LHFPL3: variants seen among roughly 807,000 people sequenced by gnomAD.
The protein encoded by LHFPL3 is LHFPL tetraspan subfamily member 3, also known as LHFPL tetraspan subfamily member 3 protein.
Under a neutral mutation model 19.3 loss-of-function variants are expected in LHFPL3, and 5 were observed. That is an observed-to-expected ratio of 0.26 (90% CI 0.14 to 0.54). The LOEUF (loss-of-function observed/expected upper bound fraction) is 0.54. Among genes scored for constraint, LHFPL3 ranks in the 20% least tolerant of loss-of-function variants. The pLI is 0.94. For synonymous variants in LHFPL3, 133 were observed against 126.2 expected, an observed-to-expected ratio of 1.05 and a Z score of -0.36; for missense variants, 249 against 307.4, an observed-to-expected ratio of 0.81 and a Z score of 1.42.
chr7:104,445,435 CTATTT>C (rs2116589928), intron 1 of LHFPL3, among the ~76,000 whole-genome samples: 1 of 152,194 alleles, frequency 6.6e-6, no homozygotes, highest in Non-Finnish European at 1.5e-5. Flanking sequence ...TTAAGAGTGT[CTATTT>C]TATAGGGTTG....
chr7:104,568,754 A>G (rs950473948), intron 1 of LHFPL3, among the ~76,000 whole-genome samples: 4 of 152,152 alleles, frequency 2.6e-5, no homozygotes, highest in African/African-American at 9.7e-5. Flanking sequence ...CGCAGAGTGT[A>G]TTCTCCCAAA....
intron 1 of LHFPL3, among the ~76,000 whole-genome samples, chr7:104,642,091 G>A (rs1321897241): frequency 1.4e-5 from 2 of 143,768 alleles, no homozygotes; most frequent in African/African-American, 2.6e-5. Context: ...AGACTGGAGT[G>A]CAGTGGTGCA....
chr7:104,641,196 T>C (rs958161437), intron 1 of LHFPL3, among the ~76,000 whole-genome samples: 2 of 152,160 alleles, frequency 1.3e-5, no homozygotes, highest in Admixed American at 1.3e-4. Flanking sequence ...CAACCAAAAG[T>C]AATAAAAGTT....
At chr7:104,548,668 G>A (rs1249374775) in intron 1 of LHFPL3, among the ~76,000 whole-genome samples, 2 of 152,182 alleles carry the variant, frequency 1.3e-5, no homozygotes, top group Admixed American at 1.3e-4. Flanking sequence ...GAGGGCTATA[G>A]CTTGGCCAAC....
intron 1 of LHFPL3, among the ~76,000 whole-genome samples, chr7:104,576,053 A>T (rs1006401165): frequency 2.6e-5 from 4 of 152,300 alleles, no homozygotes; most frequent in Non-Finnish European, 4.4e-5. Context: ...TACGTTTGAC[A>T]TTCCTAAGTC....
At chr7:104,901,337 T>C (rs903646245) in intron 2 of LHFPL3, among the ~76,000 whole-genome samples, 1 of 152,208 alleles carries the variant, frequency 6.6e-6, no homozygotes, top group Admixed American at 6.5e-5. Context: ...CAGCTGGTTA[T>C]TATTATTCAG....
At chr7:104,468,749 C>T (rs1035352266) in intron 1 of LHFPL3, among the ~76,000 whole-genome samples, 9 of 151,130 alleles carry the variant, frequency 6.0e-5, no homozygotes, top group South Asian at 2.1e-4. Context: ...ACCTCCACCT[C>T]GCGGGTTCAA....
At chr7:104,667,073 G>A (rs1486051517) in intron 1 of LHFPL3, among the ~76,000 whole-genome samples, 1 of 152,072 alleles carries the variant, frequency 6.6e-6, no homozygotes, top group Non-Finnish European at 1.5e-5. Context: ...TCTCCATATG[G>A]TTTTCCATAA....
At chr7:104,906,165 C>G in intron 2 of LHFPL3, 22 bp from the exon 3 acceptor site, 1 of 1,607,462 alleles carries the variant, frequency 6.2e-7, no homozygotes, top group Non-Finnish European at 8.5e-7. Context: ...CTTTTTCTCT[C>G]TCTTCCCTCC....
chr7:104,453,612 GAT>G (rs1792485397), intron 1 of LHFPL3, among the ~76,000 whole-genome samples: 1 of 152,112 alleles, frequency 6.6e-6, no homozygotes, highest in Admixed American at 6.6e-5. Context: ...GAAACCTGTT[GAT>G]ATAGTTTGGA....
intron 1 of LHFPL3, among the ~76,000 whole-genome samples, chr7:104,496,655 T>G (rs1420733555): frequency 6.6e-6 from 1 of 152,204 alleles, no homozygotes; most frequent in African/African-American, 2.4e-5. Context: ...TTTTTAATGA[T>G]CGCCATTCTA....
chr7:104,370,318 G>C (rs190500990), intron 1 of LHFPL3, among the ~76,000 whole-genome samples: 2 of 152,134 alleles, frequency 1.3e-5, no homozygotes, highest in African/African-American at 4.8e-5. Context: ...TGCACCGACT[G>C]GATAAGGAAG....
intron 2 of LHFPL3, among the ~76,000 whole-genome samples, chr7:104,840,357 C>A (rs367811390): frequency 6.8e-6 from 1 of 147,294 alleles, no homozygotes; most frequent in East Asian, 2.0e-4. Flanking sequence ...ACTCTGTCAC[C>A]GAGGCTGGAG....
rs562878006 is a variant in LHFPL3, at chr7:104,701,435, A to G, written c.446-35240A>G. On this transcript the variant is annotated intron_variant, in intron 1 of 2. Transcript: ENST00000424859. ...ATTTTGTATGCTATATGTATTACAT[A>G]CTATATTCTTATAATAAAGTAAACT... Among the ~76,000 whole-genome samples the G allele has an allele frequency of 2.0e-5, 3 of 152,356 alleles. No individual in the cohort carries two copies. The East Asian group carries it at 5.8e-4, about 29-fold the overall frequency.
chr7:104,901,492 A>G (rs1792483412), intron 2 of LHFPL3, among the ~76,000 whole-genome samples: 2 of 152,208 alleles, frequency 1.3e-5, no homozygotes, highest in Admixed American at 1.3e-4. Flanking sequence ...TCTGATGAGC[A>G]GCATGCACTC....
chr7:104,606,151 A>C (rs914021421), intron 1 of LHFPL3, among the ~76,000 whole-genome samples: 1 of 152,136 alleles, frequency 6.6e-6, no homozygotes, highest in Admixed American at 6.5e-5. Context: ...GTGAGCCACC[A>C]CACCTGGCCA....
chr7:104,769,873 G>A (rs36038848), intron 2 of LHFPL3, among the ~76,000 whole-genome samples: 33,660 of 151,970 alleles, frequency 0.22, 4,796 homozygotes, highest in East Asian at 0.71. Flanking sequence ...ATGAGTTTAC[G>A]TCATTTGCGG....
In LHFPL3 at chr7:104,487,047, C is replaced by T. The variant is rs545883759; in HGVS notation, c.445+157823C>T. Among the ~76,000 whole-genome samples the T allele has an allele frequency of 2.9e-4, 44 of 152,062 alleles. 1 individual carries two copies. Among genetic ancestry groups the T allele is most frequent in the South Asian group, 1.5e-3 (7 of 4,808 alleles). The stretch of plus-strand genomic sequence containing the variant: ...TCCTGTTATTTCCCTTACTGTCTTT[C>T]GTTTTTCCTGCAGTATCTGGCCTTA... On this transcript the variant is annotated intron_variant, in intron 1 of 2. Coordinates refer to ENST00000424859, the MANE Select transcript of LHFPL3 (RefSeq NM_199000.3).
chr7:104,814,824 G>A (rs747393696), intron 2 of LHFPL3, among the ~76,000 whole-genome samples: 20 of 152,204 alleles, frequency 1.3e-4, no homozygotes, highest in Non-Finnish European at 2.6e-4. Context: ...GGCAGTGGCC[G>A]GGCTGGGTCC....
Sources: allele counts gnomAD v4.1 joint callset (sites outside exome capture counted in the v4.1 genomes callset), GRCh38; gene constraint gnomAD v4.1.1; transcripts MANE v1.5; gene names NCBI Gene and HGNC (gene_info 2026-07-23, HGNC 2026-07-21).